The following DOK5 variants were observed in gnomAD, a reference collection of about 807,000 sequenced individuals.
DOK5 encodes docking protein 5, also known as downstream of tyrosine kinase 5.
Under a neutral mutation model 43.3 loss-of-function variants are expected in DOK5, and 27 were observed. That is an observed-to-expected ratio of 0.62 (90% confidence interval 0.46 to 0.86). The LOEUF (loss-of-function observed/expected upper bound fraction) is 0.86. Ranked by LOEUF, DOK5 falls within the 40% of genes least tolerant of loss-of-function variation. DOK5 has a pLI of 0.00. For synonymous variants in DOK5, 146 were observed against 140.1 expected (o/e 1.04, Z -0.30); for missense variants, 373 against 392.9 (o/e 0.95, Z 0.43).
At chr20:54,596,770 T>C (rs1237460575) in intron 5 of DOK5, among the ~76,000 whole-genome samples, 1 of 152,222 alleles carries the variant, frequency 6.6e-6, no homozygotes, top group Non-Finnish European at 1.5e-5. Context: ...AAGAAACTCA[T>C]TGACTTCCAT....
At chr20:54,644,352 ACC>A in intron 7 of DOK5, among the ~76,000 whole-genome samples, 6 of 151,736 alleles carry the variant, frequency 4.0e-5, no homozygotes, top group Non-Finnish European at 7.4e-5. Flanking sequence ...CGGTCAGATC[ACC>A]TGAAGTCAGG....
At chr20:54,568,801 G>C (rs1208151537) in intron 2 of DOK5, among the ~76,000 whole-genome samples, 1 of 151,842 alleles carries the variant, frequency 6.6e-6, no homozygotes, top group Non-Finnish European at 1.5e-5. Flanking sequence ...GTGGTGGCGG[G>C]CGCCTGTAGT....
chr20:54,478,345 G>A (rs571351666), intron 1 of DOK5, among the ~76,000 whole-genome samples: 4 of 152,310 alleles, frequency 2.6e-5, no homozygotes, highest in Admixed American at 1.3e-4. Context: ...AATGTTAGCG[G>A]TATTAATCTA....
chr20:54,625,183 C>T (rs1427713376), intron 6 of DOK5, among the ~76,000 whole-genome samples: 2 of 152,124 alleles, frequency 1.3e-5, no homozygotes, highest in Admixed American at 1.3e-4. Context: ...GTGGTTCCTG[C>T]CAAACATCTG....
rs768379251 is a variant in DOK5, at chr20:54,616,770, C to CTT, written c.735+6259_735+6260dup. Among the ~76,000 whole-genome samples, 224 of 120,578 alleles carry CTT rather than the reference C, an allele frequency of 1.9e-3. 1 individual carries two copies. The highest frequency in any genetic ancestry group is 5.5e-3 in the African/African-American group (172 of 31,170). The allele number at this position is 120,578 out of a possible 152,430, so 79.1% of individuals were successfully genotyped here. The stretch of plus-strand genomic sequence containing the variant: ...GTAAAAGTGGGGAAGGATCCACTTT[C>CTT]TTTTTTTTTTTTTCTTTTTTTTTTT... On this transcript the variant is annotated intron_variant, in intron 6 of 7. Coordinates refer to ENST00000262593, the MANE Select transcript of DOK5 (RefSeq NM_018431.5).
chr20:54,486,098 A>AT (rs971044103), intron 1 of DOK5, among the ~76,000 whole-genome samples: 9 of 152,008 alleles, frequency 5.9e-5, no homozygotes, highest in South Asian at 2.1e-4. Context: ...AGATGTTTCA[A>AT]TTTTTTTTGT....
At chr20:54,527,780 T>A (rs1434087726) in intron 1 of DOK5, among the ~76,000 whole-genome samples, 1 of 152,316 alleles carries the variant, frequency 6.6e-6, no homozygotes, top group African/African-American at 2.4e-5. Context: ...AAGCTGTGTA[T>A]GCATTAGAAA....
chr20:54,576,761 T>A (rs563056682), intron 2 of DOK5, among the ~76,000 whole-genome samples: 4 of 152,308 alleles, frequency 2.6e-5, no homozygotes, highest in African/African-American at 9.6e-5. Flanking sequence ...AACCAAGTGG[T>A]TTTGAGAAGC....
chr20:54,554,978 G>T lies in DOK5; in HGVS notation c.112G>T (p.Gly38Cys). Residue 38 changes from glycine to cysteine, a missense_variant, in exon 2 of 8, where the codon GGT (glycine) becomes TGT (cysteine). Gly to Cys is a radical substitution (Grantham distance 159). Transcript: ENST00000262593. The part of the protein sequence containing the change: ...WLVFKKASSK[G>C]PKRLEKFSDE... Reference sequence around the variant, plus strand: ...AGTATTCAAGAAAGCTTCAAGCAAAGGTCCAAAAAGACTGGAGAAATTTTC... The same window carrying T: ...AGTATTCAAGAAAGCTTCAAGCAAATGTCCAAAAAGACTGGAGAAATTTTC... 1 of 1,613,972 alleles carries T rather than the reference G, an allele frequency of 6.2e-7. No homozygotes were observed. The highest frequency in any genetic ancestry group is 8.5e-7 in the Non-Finnish European group (1 of 1,179,928).
intron 1 of DOK5, among the ~76,000 whole-genome samples, chr20:54,477,629 T>G (rs905134198): frequency 7.3e-5 from 11 of 150,200 alleles, no homozygotes; most frequent in African/African-American, 2.8e-4. Context: ...AGTGTTACAA[T>G]TTTAAGGGGA....
chr20:54,579,776 C>T, intron 2 of DOK5, among the ~76,000 whole-genome samples: 1 of 152,114 alleles, frequency 6.6e-6, no homozygotes, highest in Non-Finnish European at 1.5e-5. Context: ...TATATGTATA[C>T]ATTTTCTTTT....
chr20:54,618,486 G>A (rs1486747205), intron 6 of DOK5, among the ~76,000 whole-genome samples: 2 of 152,050 alleles, frequency 1.3e-5, no homozygotes, highest in African/African-American at 4.8e-5. Flanking sequence ...TGGGATTATA[G>A]GCACCTGCCA....
At chr20:54,494,116 C>T (rs116546123) in intron 1 of DOK5, among the ~76,000 whole-genome samples, 3,322 of 152,196 alleles carry the variant, frequency 0.022, 103 homozygotes, top group African/African-American at 0.071. Flanking sequence ...CAGCTTGTCT[C>T]ACTTCTTGCT....
intron 5 of DOK5, among the ~76,000 whole-genome samples, chr20:54,599,073 C>T (rs1473049632): frequency 6.6e-6 from 1 of 152,094 alleles, no homozygotes; most frequent in African/African-American, 2.4e-5. Flanking sequence ...TACATATTCC[C>T]AATTTATCTT....
chr20:54,514,586 CTTTTTTTTTTT>C (rs199776939), intron 1 of DOK5, among the ~76,000 whole-genome samples: 2,219 of 100,934 alleles, frequency 0.022, 95 homozygotes, highest in East Asian at 0.13. Flanking sequence ...AAGTTTTACT[CTTTTTTTTTTT>C]TTTTTTTTTT....
intron 6 of DOK5, among the ~76,000 whole-genome samples, chr20:54,619,000 G>A (rs1232978155): frequency 1.2e-4 from 15 of 122,400 alleles, no homozygotes; most frequent in Non-Finnish European, 2.2e-4. Flanking sequence ...CTGGGCAACA[G>A]AACAAGACCT....
At chr20:54,544,104 T>G (rs897588338) in intron 1 of DOK5, among the ~76,000 whole-genome samples, 7 of 152,240 alleles carry the variant, frequency 4.6e-5, no homozygotes, top group Non-Finnish European at 7.3e-5. Flanking sequence ...TTAATCTTCT[T>G]TATACATATT....
chr20:54,498,322 C>T (rs1185670682), intron 1 of DOK5, among the ~76,000 whole-genome samples: 1 of 152,134 alleles, frequency 6.6e-6, no homozygotes, highest in Non-Finnish European at 1.5e-5. Context: ...GCACTGATAG[C>T]TCAGGGTTTT....
chr20:54,516,374 T>C (rs1489021062), intron 1 of DOK5, among the ~76,000 whole-genome samples: 4 of 152,234 alleles, frequency 2.6e-5, no homozygotes, highest in Admixed American at 2.0e-4. Flanking sequence ...TCTTAGCAGA[T>C]AGTATGTGTA....
Sources: allele counts gnomAD v4.1 joint callset (sites outside exome capture counted in the v4.1 genomes callset), GRCh38; gene constraint gnomAD v4.1.1; transcripts MANE v1.5; gene names NCBI Gene and HGNC (gene_info 2026-07-23, HGNC 2026-07-21).